Variants in F2 observed in about 807,000 individuals in gnomAD.
The protein encoded by F2 is coagulation factor II, thrombin.
A neutral mutation model predicts 81.9 loss-of-function variants in F2; 34 were observed. The ratio of observed to expected loss-of-function variants is 0.42; its 90% CI spans 0.32 to 0.55. The LOEUF (loss-of-function observed/expected upper bound fraction) is 0.55. F2 is among the 20% of genes least tolerant of loss of function. The probability of loss-of-function intolerance (pLI) is 0.18; values close to 1 mark genes in which losing one functional copy is unlikely to be tolerated. For missense variants in F2, 630 were observed against 833.4 expected (o/e 0.76, Z 3.00); for synonymous variants, 296 against 326.4 (o/e 0.91, Z 1.01).
chr11:46,720,445 G>T (rs1355939029), intron 2 of F2, 78 bp from the exon 3 acceptor site: 36 of 1,531,694 alleles, frequency 2.4e-5, no homozygotes, highest in African/African-American at 4.1e-5. Context: ...AGGAAAGTGT[G>T]AGGAGGAGAC....
Position 46,723,716 on chromosome 11 carries a change from C to T in F2, c.559+198C>T, listed in dbSNP as rs1471696888. 1.3e-5 allele frequency among the ~76,000 whole-genome samples: 2 copies of T among 152,294 alleles called. No individual in the cohort carries two copies. Among genetic ancestry groups the T allele is most frequent in the Non-Finnish European group, 2.9e-5 (2 of 68,014 alleles). On this transcript the variant is annotated intron_variant, in intron 6 of 13. Coordinates refer to ENST00000311907, the MANE Select transcript of F2 (RefSeq NM_000506.5). This position sits in a 1 kb window ranked among gnomAD's most constrained non-coding sequence, Gnocchi z 5.6. ...GACCAGCTGGGCCAACATGGCAAAACCCCGTCTCTACTAAAAATACAAAAA... is the reference window on the plus strand; with the variant it reads ...GACCAGCTGGGCCAACATGGCAAAATCCCGTCTCTACTAAAAATACAAAAA...
chr11:46,739,269 C>A lies in F2; in HGVS notation c.1730C>A (p.Pro577His), dbSNP rs746027818. The A allele has an allele frequency of 6.2e-7, 1 of 1,614,112 alleles. No individual in the cohort carries two copies. Among genetic ancestry groups the A allele is most frequent in the Admixed American group, 1.7e-5 (1 of 60,020 alleles). Reference protein sequence around the residue: ...DSGGPFVMKSPFNNRWYQMGI... With the variant: ...DSGGPFVMKSHFNNRWYQMGI... ...AACCTCATCTTTCTTCTTCAGAGCC[C>A]CTTTAACAACCGCTGGTATCAAATG... is the stretch of plus-strand genomic sequence containing the variant. Residue 577 changes from proline to histidine, a missense_variant, in exon 14 of 14, where the codon CCC (proline) becomes CAC (histidine). By Grantham distance (77) the Pro-to-His change is moderately conservative. Transcript: ENST00000311907.
intron 12 of F2, among the ~76,000 whole-genome samples, chr11:46,734,691 G>A (rs2064933747): frequency 6.6e-6 from 1 of 152,076 alleles, no homozygotes; most frequent in Non-Finnish European, 1.5e-5. Context: ...GATGCCTGTA[G>A]TCCCAGCTAC....
At chr11:46,720,448 G>A (rs1410011358) in intron 2 of F2, 75 bp from the exon 3 acceptor site, 2 of 1,542,518 alleles carry the variant, frequency 1.3e-6, no homozygotes, top group Non-Finnish European at 1.8e-6. Context: ...AAAGTGTGAG[G>A]AGGAGACATA....
chr11:46,724,911 C>T (rs1313521350), intron 6 of F2, among the ~76,000 whole-genome samples: 1 of 150,700 alleles, frequency 6.6e-6, no homozygotes, highest in Non-Finnish European at 1.5e-5. Context: ...GCTAGGATTA[C>T]AGGCGTGTGC....
In F2 at chr11:46,725,891, C is replaced by A. The variant is rs146671243; in HGVS notation, c.592C>A (p.Arg198Ser). ...QDQVTVAMTP[R>S]SEGSSVNLSP... is the part of the protein sequence containing the mutation. ...TCAAGTCACTGTAGCGATGACTCCA[C>A]GCTCCGAAGGCTCCAGTGTGAATCT... Residue 198 changes from arginine (R) to serine (S), a missense_variant, in exon 7 of 14, where the codon CGC (arginine) becomes AGC (serine). Arg to Ser is a moderately radical substitution (Grantham distance 110, BLOSUM62 -1). Transcript: ENST00000311907. The A allele has an allele frequency of 1.5e-5, 24 of 1,613,452 alleles. No homozygotes were observed. The highest frequency in any genetic ancestry group is 2.0e-5 in the Non-Finnish European group (24 of 1,180,042).
chr11:46,726,368 G>A lies in F2; in HGVS notation c.875-130G>A. ...GGCCCCAGGAGGTTATTGCCTAGTA[G>A]CCCAACTGTGCATGCACGCTTAACC... is the stretch of plus-strand genomic sequence containing the variant. On this transcript the variant is annotated intron_variant, in intron 7 of 13. Coordinates refer to ENST00000311907, the MANE Select transcript of F2 (RefSeq NM_000506.5). This position sits in a 1 kb window ranked among gnomAD's most constrained non-coding sequence, Gnocchi z 5.9. 1 of 1,510,888 alleles carries A rather than the reference G, an allele frequency of 6.6e-7. No homozygotes were observed. The highest frequency in any genetic ancestry group is 1.2e-5 in the South Asian group (1 of 83,086). 93.6% of individuals were successfully genotyped at this position (1,510,888 alleles called of 1,614,324 possible).
rs2064965333 is a variant in F2 at position 46,739,495 on chromosome 11, G to T, written c.*87G>T. 13 of 1,559,708 alleles carry T rather than the reference G, an allele frequency of 8.3e-6. No individual in the cohort carries two copies. The highest frequency in any genetic ancestry group is 1.1e-5 in the Non-Finnish European group (13 of 1,140,560). ...TAAAACTATGGTTCCCAATAAAAGTGACTCTCAGCGAGCCTCAATGCTCCC... is the reference window on the plus strand; with the variant it reads ...TAAAACTATGGTTCCCAATAAAAGTTACTCTCAGCGAGCCTCAATGCTCCC... On this transcript the variant is annotated 3_prime_UTR_variant, in exon 14 of 14. Coordinates refer to ENST00000311907, the MANE Select transcript of F2 (RefSeq NM_000506.5).
intron 11 of F2, 27 bp from the exon 12 acceptor site, chr11:46,729,353 C>T: frequency 6.2e-7 from 1 of 1,611,118 alleles, no homozygotes; most frequent in Non-Finnish European, 8.5e-7. Flanking sequence ...GGTTGGCTCT[C>T]ACTAGGCCCT....
Position 46,719,635 on chromosome 11 carries a change from C to T in F2, c.80-67C>T, listed in dbSNP as rs1224073786. 1.3e-6 allele frequency: 2 copies of T among 1,540,846 alleles called. No individual in the cohort carries two copies. The highest frequency in any genetic ancestry group is 2.4e-5 in the East Asian group (1 of 40,986). On this transcript the variant is annotated intron_variant, in intron 1 of 13. Transcript: ENST00000311907. This position sits in a 1 kb window ranked among gnomAD's most constrained non-coding sequence, Gnocchi z 4.7. ...CAGGGGAGGGTGGGCTTGCTTCATG[C>T]CCCCAGAATGGCCAAGACTGCCTGT...
intron 6 of F2, among the ~76,000 whole-genome samples, chr11:46,724,413 T>A (rs1362352855): frequency 6.6e-6 from 1 of 152,168 alleles, no homozygotes; most frequent in Non-Finnish European, 1.5e-5. Context: ...TGGGCCTAGA[T>A]CTGCTCCACG....
chr11:46,725,556 C>T (rs1461943864), intron 6 of F2, among the ~76,000 whole-genome samples: 1 of 152,162 alleles, frequency 6.6e-6, no homozygotes, highest in Non-Finnish European at 1.5e-5. Context: ...CATGACTCCT[C>T]CAGCAGCTCC....
intron 12 of F2, among the ~76,000 whole-genome samples, chr11:46,735,180 G>A (rs747037997): frequency 6.6e-6 from 1 of 152,094 alleles, no homozygotes; most frequent in African/African-American, 2.4e-5. Flanking sequence ...GGTGGCTCAC[G>A]CCTATAATCC....
In F2 at chr11:46,719,749, C is replaced by G; in HGVS notation, c.127C>G (p.Arg43Gly). ...ACGGTCGCTGCTCCAGCGGGTCCGG[C>G]GAGCCAACACCTTCTTGGAGGAGGT... The part of the protein sequence containing the change: ...QARSLLQRVR[R>G]ANTFLEEVRK... The change falls in exon 2 of 14, where the codon CGA (arginine) becomes GGA (glycine). Residue 43 changes from arginine to glycine, a missense_variant. By Grantham distance (125) the Arg-to-Gly change is moderately radical. Transcript: ENST00000311907. This position sits in a 1 kb window ranked among gnomAD's most constrained non-coding sequence, Gnocchi z 4.7. 1 of 1,596,214 alleles carries G rather than the reference C, an allele frequency of 6.3e-7. No homozygotes were observed. Among genetic ancestry groups the G allele is most frequent in the Non-Finnish European group, 8.5e-7 (1 of 1,172,664 alleles).
At chr11:46,731,912 G>GTTTTTTTTTTTTTTTTTTTTTTT (rs71042616) in intron 12 of F2, among the ~76,000 whole-genome samples, 12 of 88,176 alleles carry the variant, frequency 1.4e-4, no homozygotes, top group African/African-American at 5.2e-4. Flanking sequence ...ACACTTTGAT[G>GTTTTTTTTTTTTTTTTTTTTTTT]TTTTTTTTTT....
At chr11:46,724,028 C>A (rs989822674) in intron 6 of F2, among the ~76,000 whole-genome samples, 1 of 152,162 alleles carries the variant, frequency 6.6e-6, no homozygotes, top group African/African-American at 2.4e-5. Context: ...TCCCCCTCCC[C>A]ACTCTTGACT....
chr11:46,732,827 T>C (rs944523820), intron 12 of F2, among the ~76,000 whole-genome samples: 4 of 152,190 alleles, frequency 2.6e-5, no homozygotes, highest in African/African-American at 7.2e-5. Flanking sequence ...ACTTTCTTTC[T>C]TTCTGGCACA....
At position 46,726,197 on chromosome 11, in the gene F2, T is replaced by G. The variant is rs1592412546; in HGVS notation, c.874+24T>G. The G allele has an allele frequency of 6.2e-7, 1 of 1,611,052 alleles. No homozygotes were observed. Among genetic ancestry groups the G allele is most frequent in the East Asian group, 2.2e-5 (1 of 44,870 alleles). On this transcript the variant is annotated intron_variant, in intron 7 of 13. Transcript: ENST00000311907. The surrounding 1 kb of genome is among the most constrained non-coding windows in gnomAD (Gnocchi z 5.9). ...TGGTGAGCTGCCTGGGTAGGGGGCC[T>G]GAGTTGCAGGGACAAATCCTGGTGG...
At position 46,725,522 on chromosome 11, in the gene F2, C is replaced by T. The variant is rs188565188; in HGVS notation, c.560-337C>T. Among the ~76,000 whole-genome samples, 36 of 152,248 alleles carry T rather than the reference C, an allele frequency of 2.4e-4. No individual in the cohort carries two copies. In the East Asian group the frequency reaches 5.0e-3, roughly 21 times the overall value. ...TGAACAGCCTAGTGATCCCAGCAAGCGTCCTGCTGTGCAGCTATAAAAACA... is the reference window on the plus strand; with the variant it reads ...TGAACAGCCTAGTGATCCCAGCAAGTGTCCTGCTGTGCAGCTATAAAAACA... On this transcript the variant is annotated intron_variant, in intron 6 of 13. Coordinates refer to ENST00000311907, the MANE Select transcript of F2 (RefSeq NM_000506.5).
Sources: gnomAD v4.1 joint callset for allele counts (sites outside exome capture counted in the v4.1 genomes callset) on GRCh38, gnomAD v4.1.1 for gene constraint, Gnocchi (gnomAD v3.1) non-coding constraint, MANE v1.5 for transcripts, NCBI Gene and HGNC (gene_info 2026-07-23, HGNC 2026-07-21) for gene names.